The following FRS3 variants were observed in gnomAD, a reference collection of about 807,000 sequenced individuals.
FRS3 encodes the protein FGFR substrate 3.
FRS3 carries 17 observed loss-of-function variants against 41.9 expected under a neutral mutation model. The observed-to-expected ratio is 0.41, with a 90% confidence interval of 0.28 to 0.61. FRS3 has a LOEUF of 0.61. Among genes scored for constraint, FRS3 ranks in the 20% least tolerant of loss-of-function variants. The pLI is 0.36. For missense variants in FRS3, 619 were observed against 672.1 expected (o/e 0.92, Z 0.87); for synonymous variants, 287 against 274.5 (o/e 1.05, Z -0.45).
In FRS3 at chr6:41,777,015, G is replaced by C; in HGVS notation, c.-23-5C>G. 6.2e-7 allele frequency: 1 copy of C among 1,609,952 alleles called. No individual in the cohort carries two copies. Among genetic ancestry groups the C allele is most frequent in the Non-Finnish European group, 8.5e-7 (1 of 1,176,364 alleles). On this transcript the variant is annotated splice_polypyrimidine_tract_variant and splice_region_variant and intron_variant, in intron 2 of 6. Transcript: ENST00000373018. ...TGTCAGAGCAGCCAGCCTGCCCTAG[G>C]AAAAACATACAGGATATGCAGGTCA...
intron 1 of FRS3, among the ~76,000 whole-genome samples, chr6:41,778,850 G>A (rs1772463750): frequency 6.6e-6 from 1 of 152,172 alleles, no homozygotes; most frequent in Non-Finnish European, 1.5e-5. Context: ...AATGTTAACA[G>A]TAAGCCAAAA....
chr6:41,778,908 C>T (rs554984233), intron 1 of FRS3, among the ~76,000 whole-genome samples: 1 of 152,346 alleles, frequency 6.6e-6, no homozygotes, highest in East Asian at 1.9e-4. Context: ...AGCCAGGACT[C>T]TGCAGACCCT....
At chr6:41,773,080 G>A in intron 4 of FRS3, 121 bp from the exon 5 acceptor site, 1 of 717,756 alleles carries the variant, frequency 1.4e-6, no homozygotes, top group Non-Finnish European at 2.4e-6. Context: ...GGGCAGGAGA[G>A]CCTCTCCTCA....
In FRS3 at chr6:41,771,426, C is replaced by T. The variant is rs1166310496; in HGVS notation, c.672G>A (p.Arg224=). The T allele has an allele frequency of 1.9e-6, 3 of 1,612,774 alleles. No individual in the cohort carries two copies. In the Admixed American group the frequency reaches 5.0e-5, roughly 27 times the overall value. ...EGQAPFLPQA[R]GPDQRDPQVF... ...CCTGTGGGTCCCGTTGGTCAGGTCC[C>T]CGGGCCTGCGGGAGGAAGGGTGCCT... Residue 224 remains arginine (R), a synonymous_variant, in exon 7 of 7, where the codon CGG becomes CGA. Coordinates refer to ENST00000373018, the MANE Select transcript of FRS3 (RefSeq NM_006653.5).
At chr6:41,771,555 G>C in intron 6 of FRS3, 22 bp from the exon 7 acceptor site, 1 of 1,502,450 alleles carries the variant, frequency 6.7e-7, no homozygotes, top group South Asian at 1.3e-5. Flanking sequence ...GTCCAAGTGA[G>C]GCAGGAGTGT....
intron 4 of FRS3, among the ~76,000 whole-genome samples, chr6:41,774,107 G>T (rs1341641048): frequency 6.6e-6 from 1 of 151,920 alleles, no homozygotes; most frequent in African/African-American, 2.4e-5. Context: ...CCGCTACCAT[G>T]CCCAGCTAGT....
chr6:41,778,887 A>G (rs73424024), intron 1 of FRS3, among the ~76,000 whole-genome samples: 3,690 of 152,288 alleles, frequency 0.024, 157 homozygotes, highest in African/African-American at 0.084. Flanking sequence ...CCCAAGGTAG[A>G]CAAGTCAACA....
chr6:41,772,214 G>A (rs901102383), intron 5 of FRS3, among the ~76,000 whole-genome samples: 8 of 152,074 alleles, frequency 5.3e-5, no homozygotes, highest in African/African-American at 1.4e-4. Context: ...AGCCTCACCC[G>A]AAACGCATAA....
chr6:41,776,641 G>A (rs1008190191), intron 3 of FRS3: 19 of 381,802 alleles, frequency 5.0e-5, no homozygotes, highest in Admixed American at 1.3e-4. Context: ...AAAAGGGGGG[G>A]GGATATATAA....
At chr6:41,771,752 TTATTTCC>T (rs1772299380) in intron 6 of FRS3, 57 bp downstream of exon 6, 1 of 1,509,758 alleles carries the variant, frequency 6.6e-7, no homozygotes, top group South Asian at 1.2e-5. Context: ...GGAGGTGGCC[TTATTTCC>T]TATCCCTCGT....
chr6:41,775,701 G>A lies in FRS3; in HGVS notation c.67-96C>T, dbSNP rs1772397006. ...GGAGACAATCTGATGCAGGACAAGA[G>A]GTGGGGAACCAAAGGTCACATCCGA... is the stretch of plus-strand genomic sequence containing the variant. On this transcript the variant is annotated intron_variant, in intron 3 of 6. Transcript: ENST00000373018. 4.3e-5 allele frequency: 38 copies of A among 892,356 alleles called. 1 individual carries two copies. The South Asian group carries it at 5.4e-4, about 13-fold the overall frequency. 55.3% of individuals were successfully genotyped at this position (892,356 alleles called of 1,614,324 possible).
intron 5 of FRS3, 118 bp downstream of exon 5, chr6:41,772,680 T>C (rs2275748): frequency 0.5 from 562,552 of 1,133,326 alleles, 143,322 homozygotes; most frequent in Admixed American, 0.69. Flanking sequence ...TCCTGGAAGG[T>C]TGGCTCACCC....
chr6:41,770,772 G>A lies in FRS3; in HGVS notation c.1326C>T (p.Pro442=), dbSNP rs1772265485. ...GPQNPSSPQA[P]MPTTHPARSS... ...TTCGGGCAGGGTGGGTGGTGGGCAT[G>A]GGGGCTTGGGGGCTCGAGGGGTTCT... Residue 442 remains proline (P), a synonymous_variant, in exon 7 of 7, where the codon CCC becomes CCT. Coordinates refer to ENST00000373018, the MANE Select transcript of FRS3 (RefSeq NM_006653.5). The A allele has an allele frequency of 6.2e-7, 1 of 1,612,832 alleles. No homozygotes were observed. Among genetic ancestry groups the A allele is most frequent in the East Asian group, 2.2e-5 (1 of 44,868 alleles).
In FRS3 at chr6:41,770,882, G is replaced by T; in HGVS notation, c.1216C>A (p.Arg406=). The T allele has an allele frequency of 6.2e-7, 1 of 1,609,710 alleles. No individual in the cohort carries two copies. The highest frequency in any genetic ancestry group is 8.5e-7 in the Non-Finnish European group (1 of 1,179,938). The change falls in exon 7 of 7, where the codon CGG becomes AGG. Residue 406 remains arginine (R), a synonymous_variant. Coordinates refer to ENST00000373018, the MANE Select transcript of FRS3 (RefSeq NM_006653.5). ...SPRVFNFDFR[R]PGPEPPRQLN... ...TGCCTTGGGGGCTCGGGCCCCGGCC[G>T]GCGGAAATCAAAGTTGAAGACCCTT...
At chr6:41,776,637 G>A (rs891347404) in intron 3 of FRS3, 2 of 373,960 alleles carry the variant, frequency 5.3e-6, no homozygotes. Context: ...AAAAAAAAGG[G>A]GGGGGGATAT....
intron 6 of FRS3, 141 bp from the exon 7 acceptor site, chr6:41,771,674 C>G: frequency 8.7e-7 from 1 of 1,152,282 alleles, no homozygotes; most frequent in Non-Finnish European, 1.2e-6. Context: ...TCTGAGGAAG[C>G]TGCTCCCTTT....
At chr6:41,772,704 C>A in intron 5 of FRS3, 94 bp downstream of exon 5, 1 of 1,418,976 alleles carries the variant, frequency 7.0e-7, no homozygotes, top group Non-Finnish European at 9.5e-7. Context: ...CTTCTCCCAA[C>A]CAGCCAGCTT....
intron 4 of FRS3, 117 bp downstream of exon 4, chr6:41,775,302 C>T: frequency 1.3e-6 from 1 of 754,368 alleles, no homozygotes; most frequent in Non-Finnish European, 2.1e-6. Context: ...ACATCACACT[C>T]TACTGCCCAC....
Position 41,777,097 on chromosome 6 carries a change from G to A in FRS3, c.-23-87C>T. 3.5e-6 allele frequency: 3 copies of A among 856,112 alleles called. No homozygotes were observed. The South Asian group carries it at 4.2e-5, about 12-fold the overall frequency. 53.0% of individuals were successfully genotyped at this position (856,112 alleles called of 1,614,324 possible). ...GGAACTTGGGCAGAAGCACGTCATT[G>A]TGATCACCTACTCTGTCCAAGAGAC... is the stretch of plus-strand genomic sequence containing the variant. On this transcript the variant is annotated intron_variant, in intron 2 of 6. Coordinates refer to ENST00000373018, the MANE Select transcript of FRS3 (RefSeq NM_006653.5).
Sources: allele counts gnomAD v4.1 joint callset (sites outside exome capture counted in the v4.1 genomes callset), GRCh38; gene constraint gnomAD v4.1.1; transcripts MANE v1.5; gene names NCBI Gene and HGNC (gene_info 2026-07-23, HGNC 2026-07-21).